Variants in CPLANE1 observed in about 807,000 individuals in gnomAD.
The protein encoded by CPLANE1 is ciliogenesis and planar polarity effector 1.
In CPLANE1, 263 loss-of-function variants were observed where a neutral mutation model predicts 362.5. That is an observed-to-expected ratio of 0.73 (90% CI 0.66 to 0.80). The LOEUF is 0.80. CPLANE1 is among the 30% of genes least tolerant of loss of function. CPLANE1 has a pLI of 0.00. For synonymous variants in CPLANE1, 1,212 were observed against 1,302.6 expected (o/e 0.93, Z 1.50); for missense variants, 3,461 against 3,793.4 (o/e 0.91, Z 2.30).
intron 46 of CPLANE1, among the ~76,000 whole-genome samples, chr5:37,131,890 C>T (rs1264493424): frequency 6.6e-6 from 1 of 152,040 alleles, no homozygotes; most frequent in Non-Finnish European, 1.5e-5. Flanking sequence ...AACTCCTGAG[C>T]TCAAATGATC....
chr5:37,106,326 G>A lies in CPLANE1; in HGVS notation c.*1276C>T, dbSNP rs528539827. The A allele has an allele frequency of 3.2e-5, 5 of 154,526 alleles. No individual in the cohort carries two copies. The highest frequency in any genetic ancestry group is 1.2e-4 in the African/African-American group (5 of 41,600). 9.6% of individuals were successfully genotyped at this position (154,526 alleles called of 1,614,324 possible). ...TCCAACAATGGATAAATAGCTAGAA[G>A]AAAAGGTTTGAATGTTTCCAACACA... is the stretch of plus-strand genomic sequence containing the variant. On this transcript the variant is annotated 3_prime_UTR_variant, in exon 53 of 53. Transcript: ENST00000651892.
chr5:37,148,698 C>CA (rs1452457475), intron 42 of CPLANE1, among the ~76,000 whole-genome samples: 1 of 152,092 alleles, frequency 6.6e-6, no homozygotes, highest in Non-Finnish European at 1.5e-5. Context: ...TTAAGTTAGG[C>CA]AAGTGAAGAT....
chr5:37,210,927 A>C, intron 16 of CPLANE1: 1 of 779,658 alleles, frequency 1.3e-6, no homozygotes, highest in Admixed American at 1.7e-5. Context: ...TACACAGTTG[A>C]AGGCCCAGAT....
the CPLANE1 span, among the ~76,000 whole-genome samples, chr5:37,083,765 G>T: frequency 6.6e-6 from 1 of 152,126 alleles, no homozygotes; most frequent in Non-Finnish European, 1.5e-5. Flanking sequence ...CCTCCAAGAA[G>T]TCTACAGTTA....
At chr5:37,091,739 G>C in the CPLANE1 span, among the ~76,000 whole-genome samples, 1 of 152,216 alleles carries the variant, frequency 6.6e-6, no homozygotes, top group African/African-American at 2.4e-5. Context: ...ATGTGGGGAA[G>C]AGGGTAGGCT....
chr5:37,225,852 CAAAAAAAAAAAAA>C (rs70976285), intron 12 of CPLANE1, among the ~76,000 whole-genome samples: 1 of 57,778 alleles, frequency 1.7e-5, no homozygotes, highest in African/African-American at 6.3e-5. Context: ...TACTCCATCT[CAAAAAAAAAAAAA>C]AAAAAAAAAA....
intron 50 of CPLANE1, among the ~76,000 whole-genome samples, chr5:37,117,406 ATAAC>A (rs139146880): frequency 0.028 from 4,287 of 151,880 alleles, 218 homozygotes; most frequent in African/African-American, 0.098. Context: ...GGACAGAAAA[ATAAC>A]TGCTTTAGCC....
intron 41 of CPLANE1, among the ~76,000 whole-genome samples, chr5:37,156,832 G>A (rs545448116): frequency 6.6e-6 from 1 of 152,216 alleles, no homozygotes; most frequent in East Asian, 1.9e-4. Context: ...TACCTATTGG[G>A]TACTATGCTC....
intron 50 of CPLANE1, among the ~76,000 whole-genome samples, chr5:37,118,363 T>C (rs1761634541): frequency 7.1e-6 from 1 of 140,908 alleles, no homozygotes; most frequent in Non-Finnish European, 1.5e-5. Flanking sequence ...GCCAAGATCA[T>C]GGCACAGCAC....
intron 43 of CPLANE1, among the ~76,000 whole-genome samples, chr5:37,147,971 CA>C (rs11284644): frequency 0.091 from 1,375 of 15,094 alleles, 7 homozygotes; most frequent in African/African-American, 0.17. Flanking sequence ...ACTGCCTTCT[CA>C]AAAAAAAAAA....
intron 5 of CPLANE1, 49 bp downstream of exon 5, chr5:37,244,326 C>A: frequency 7.9e-7 from 1 of 1,269,116 alleles, no homozygotes. Flanking sequence ...TATACCATTA[C>A]ACACTCTGCT....
Position 37,224,262 on chromosome 5 carries a change from C to T in CPLANE1, c.2572G>A (p.Glu858Lys), listed in dbSNP as rs533506472. Residue 858 changes from glutamate (E) to lysine (K), a missense_variant, in exon 14 of 53, where the codon GAA becomes AAA. By Grantham distance (56) the Glu-to-Lys change is moderately conservative. Transcript: ENST00000651892. ...TTTAACACTCTCTTACCTTTCTCTT[C>T]GATTTCTTGTAGAGCTTTTTTCCAC... ...QLWKKALQEI[E>K]EKGGRRTYFL... The T allele has an allele frequency of 3.9e-5, 61 of 1,546,486 alleles. No homozygotes were observed. The highest frequency in any genetic ancestry group is 1.4e-4 in the African/African-American group (10 of 72,978).
intron 4 of CPLANE1, among the ~76,000 whole-genome samples, chr5:37,244,979 G>A (rs1039719606): frequency 1.7e-4 from 26 of 151,720 alleles, no homozygotes; most frequent in African/African-American, 5.8e-4. Context: ...GTGAAACCCC[G>A]TCTCTACTAA....
In CPLANE1 at chr5:37,158,278, A is replaced by C; in HGVS notation, c.7758T>G (p.Ser2586Arg). ...GTGACCAAGGTTTCTCTGACATTTC[A>C]CTGGAAAGCTTCAGATTTAGATAGA... ...PDVYLNLKLS[S>R]EMSEKPWSPS... is the part of the protein sequence containing the mutation. Residue 2586 changes from serine (S) to arginine (R), a missense_variant, in exon 39 of 53, where the codon AGT becomes AGG. By Grantham distance (110) the Ser-to-Arg change is moderately radical (BLOSUM62 -1). Transcript: ENST00000651892. 6.2e-7 allele frequency: 1 copy of C among 1,613,922 alleles called. No individual in the cohort carries two copies.
chr5:37,238,842 C>A lies in CPLANE1; in HGVS notation c.938+15G>T. The A allele has an allele frequency of 2.1e-6, 3 of 1,398,340 alleles. No individual in the cohort carries two copies. Among genetic ancestry groups the A allele is most frequent in the Non-Finnish European group, 1.9e-6 (2 of 1,039,914 alleles). 86.6% of individuals were successfully genotyped at this position (1,398,340 alleles called of 1,614,324 possible). On this transcript the variant is annotated intron_variant, in intron 8 of 52. Transcript: ENST00000651892. ...AAGAAAAAAAGAAAAAAAAGACAGA[C>A]AAAAGAGTTCTTACCTAATAAGTGT...
rs1561391909 is a variant in CPLANE1, at chr5:37,144,223, C to CCAAA, written c.8462-1744_8462-1743insTTTG. 1.2e-3 allele frequency among the ~76,000 whole-genome samples: 173 copies of CCAAA among 150,086 alleles called. 4 individuals are homozygous for CCAAA. The highest frequency in any genetic ancestry group is 4.1e-3 in the African/African-American group (165 of 40,078). ...AGGAGATTGAGACCATCCTGGTTAA[C>CCAAA]ACGGTGAAAACCCGTCTCTACTAAA... On this transcript the variant is annotated intron_variant, in intron 43 of 52. Transcript: ENST00000651892.
At chr5:37,159,094 CTTTTTTTTTTTTT>C (rs34035923) in intron 38 of CPLANE1, among the ~76,000 whole-genome samples, 1 of 59,760 alleles carries the variant, frequency 1.7e-5, no homozygotes, top group African/African-American at 8.9e-5. Flanking sequence ...AATTCACATT[CTTTTTTTTTTTTT>C]TTTTTTTTTT....
chr5:37,176,203 A>G, intron 30 of CPLANE1: 1 of 413,812 alleles, frequency 2.4e-6, no homozygotes, highest in Non-Finnish European at 4.3e-6. Flanking sequence ...TTAAAACACC[A>G]CTTAAATACG....
Position 37,162,434 on chromosome 5 carries a change from G to T in CPLANE1, c.7690+31C>A, listed in dbSNP as rs368730549. 3.7e-6 allele frequency: 5 copies of T among 1,357,908 alleles called. No homozygotes were observed. In the East Asian group the frequency reaches 9.2e-5, roughly 25 times the overall value. 84.1% of individuals were successfully genotyped at this position (1,357,908 alleles called of 1,614,324 possible). ...ATAACTTAATTGTATCAAAATATAT[G>T]AATTTTTTTAAAAAGTAAAACAGCA... On this transcript the variant is annotated intron_variant, in intron 38 of 52. Transcript: ENST00000651892.
Sources: allele counts gnomAD v4.1 joint callset (sites outside exome capture counted in the v4.1 genomes callset), GRCh38; gene constraint gnomAD v4.1.1; transcripts MANE v1.5; gene names NCBI Gene and HGNC (gene_info 2026-07-23, HGNC 2026-07-21).